LRRTM4: variants seen among roughly 807,000 people sequenced by gnomAD.
The protein encoded by LRRTM4 is leucine-rich repeat transmembrane neuronal protein 4.
In LRRTM4, 25 loss-of-function variants were observed where a neutral mutation model predicts 47.6. The ratio of observed to expected loss-of-function variants is 0.53; its 90% CI spans 0.38 to 0.73. The LOEUF is 0.73. Among genes scored for constraint, LRRTM4 ranks in the 30% least tolerant of loss-of-function variants. The pLI is 0.00. For synonymous variants in LRRTM4, 311 were observed against 269.5 expected, an observed-to-expected ratio of 1.15 and a Z score of -1.51; for missense variants, 638 against 713.4, an observed-to-expected ratio of 0.89 and a Z score of 1.20.
intron 3 of LRRTM4, among the ~76,000 whole-genome samples, chr2:77,501,703 G>T (rs1443568579): frequency 6.6e-6 from 1 of 150,568 alleles, no homozygotes. Context: ...AAAGCTGAAC[G>T]GCAAGCTCTG....
chr2:76,798,339 C>G (rs933345740), intron 3 of LRRTM4, among the ~76,000 whole-genome samples: 1 of 151,990 alleles, frequency 6.6e-6, no homozygotes, highest in African/African-American at 2.4e-5. Context: ...ACAACCTGCT[C>G]CTGAATGACT....
chr2:77,379,330 GT>G (rs909215908), intron 3 of LRRTM4, among the ~76,000 whole-genome samples: 1 of 151,692 alleles, frequency 6.6e-6, no homozygotes, highest in Admixed American at 6.6e-5. Flanking sequence ...AATACATTAC[GT>G]TTATGTGATA....
intron 3 of LRRTM4, among the ~76,000 whole-genome samples, chr2:76,785,279 C>T (rs1674613073): frequency 2.0e-5 from 3 of 152,074 alleles, no homozygotes; most frequent in African/African-American, 7.2e-5. Context: ...TGTGGGACTA[C>T]AGTTCTGCTC....
chr2:77,331,672 A>T (rs10169355), intron 3 of LRRTM4, among the ~76,000 whole-genome samples: 6 of 152,268 alleles, frequency 3.9e-5, no homozygotes, highest in African/African-American at 1.2e-4. Flanking sequence ...GCCTGGAGTA[A>T]ATCCTGATGT....
At chr2:77,248,726 C>A (rs6754681) in intron 3 of LRRTM4, among the ~76,000 whole-genome samples, 7,596 of 151,920 alleles carry the variant, frequency 0.05, 643 homozygotes, top group African/African-American at 0.17. Context: ...GAACAGAAAA[C>A]CCTGAAATAG....
At chr2:77,449,963 G>T (rs140437078) in intron 3 of LRRTM4, among the ~76,000 whole-genome samples, 23 of 152,204 alleles carry the variant, frequency 1.5e-4, no homozygotes, top group Admixed American at 1.3e-3. Context: ...AAATACTTAA[G>T]CAGGACCAAG....
intron 3 of LRRTM4, among the ~76,000 whole-genome samples, chr2:77,052,278 C>T (rs1377094893): frequency 6.7e-6 from 1 of 149,612 alleles, no homozygotes; most frequent in South Asian, 2.1e-4. Flanking sequence ...AAGCAATTCT[C>T]CTGCCTCAAC....
At chr2:76,900,962 C>A (rs1673605949) in intron 3 of LRRTM4, among the ~76,000 whole-genome samples, 1 of 147,830 alleles carries the variant, frequency 6.8e-6, no homozygotes, top group Admixed American at 6.7e-5. Flanking sequence ...ACATTTCTTT[C>A]TCTCTTTTTT....
intron 3 of LRRTM4, among the ~76,000 whole-genome samples, chr2:77,002,096 C>A (rs571478245): frequency 1.3e-4 from 20 of 152,114 alleles, no homozygotes; most frequent in Non-Finnish European, 2.9e-4. Flanking sequence ...GATGACTTTG[C>A]AAATCTTCAA....
chr2:77,163,533 C>T (rs1371823558), intron 3 of LRRTM4, among the ~76,000 whole-genome samples: 2 of 151,992 alleles, frequency 1.3e-5, no homozygotes, highest in African/African-American at 4.8e-5. Context: ...GTCAGATTTA[C>T]CAAAGATGAC....
At chr2:77,066,807 A>G (rs768942801) in intron 3 of LRRTM4, among the ~76,000 whole-genome samples, 1 of 152,262 alleles carries the variant, frequency 6.6e-6, no homozygotes, top group Non-Finnish European at 1.5e-5. Flanking sequence ...AGAAGATGTG[A>G]CATTTGGTTG....
intron 3 of LRRTM4, among the ~76,000 whole-genome samples, chr2:77,307,999 CA>C (rs1275726485): frequency 1.5e-5 from 2 of 129,236 alleles, no homozygotes; most frequent in Non-Finnish European, 3.1e-5. Context: ...TAGATATATA[CA>C]ACATATATGT....
At chr2:77,256,051 C>T (rs1675756095) in intron 3 of LRRTM4, among the ~76,000 whole-genome samples, 1 of 151,778 alleles carries the variant, frequency 6.6e-6, no homozygotes, top group South Asian at 2.1e-4. Context: ...AGAGAGAGAA[C>T]AAAGGAGGAA....
chr2:76,888,789 T>G (rs1377401273), intron 3 of LRRTM4, among the ~76,000 whole-genome samples: 2 of 151,918 alleles, frequency 1.3e-5, no homozygotes, highest in Non-Finnish European at 2.9e-5. Flanking sequence ...ATTTTTTGCA[T>G]CTAACACCTG....
chr2:77,422,016 G>A (rs10179115), intron 3 of LRRTM4, among the ~76,000 whole-genome samples: 52,242 of 151,916 alleles, frequency 0.34, 9,076 homozygotes, highest in South Asian at 0.38. Context: ...GTAACATGCT[G>A]GGCAGGTTTG....
At position 77,351,165 on chromosome 2, in the gene LRRTM4, T is replaced by C. The variant is rs139397259; in HGVS notation, c.1551+167153A>G. Among the ~76,000 whole-genome samples the C allele has an allele frequency of 2.5e-3, 375 of 152,158 alleles. 2 individuals are homozygous for C. Among genetic ancestry groups the C allele is most frequent in the African/African-American group, 8.3e-3 (345 of 41,514 alleles). Reference sequence around the variant, plus strand: ...TAGCTCCCACTTATAAGTGAAAACATATAGTATTTGGTTTTCCATTTCTGC... The same window carrying C: ...TAGCTCCCACTTATAAGTGAAAACACATAGTATTTGGTTTTCCATTTCTGC... On this transcript the variant is annotated intron_variant, in intron 3 of 3. Coordinates refer to ENST00000409884, the MANE Select transcript of LRRTM4 (RefSeq NM_001134745.3).
At chr2:76,806,313 G>T (rs1235209764) in intron 3 of LRRTM4, among the ~76,000 whole-genome samples, 7 of 152,116 alleles carry the variant, frequency 4.6e-5, no homozygotes, top group Admixed American at 4.6e-4. Context: ...CCCGTGCGGT[G>T]GCTCACACCT....
Position 77,301,341 on chromosome 2 carries a change from A to G in LRRTM4, c.1551+216977T>C, listed in dbSNP as rs560720397. Among the ~76,000 whole-genome samples the G allele has an allele frequency of 2.3e-4, 35 of 152,248 alleles. No individual in the cohort carries two copies. In the South Asian group the frequency reaches 6.2e-3, roughly 27 times the overall value. ...AACACCATAGTTGATAAAACAAATT[A>G]TTGCTAAAAATAATTTAAGCAGGCA... On this transcript the variant is annotated intron_variant, in intron 3 of 3. Transcript: ENST00000409884.
chr2:77,098,366 C>T (rs1670865583), intron 3 of LRRTM4, among the ~76,000 whole-genome samples: 1 of 151,870 alleles, frequency 6.6e-6, no homozygotes. Context: ...AGGTATGAGG[C>T]CTTAATATGT....
Sources: gnomAD v4.1 joint callset for allele counts (sites outside exome capture counted in the v4.1 genomes callset) on GRCh38, gnomAD v4.1.1 for gene constraint, MANE v1.5 for transcripts, NCBI Gene and HGNC (gene_info 2026-07-23, HGNC 2026-07-21) for gene names.